The following AKNAD1 variants were observed in gnomAD, a reference collection of about 807,000 sequenced individuals.
AKNAD1 encodes the protein protein AKNAD1.
Under a neutral mutation model 90.8 loss-of-function variants are expected in AKNAD1, and 67 were observed. The ratio of observed to expected loss-of-function variants is 0.74; its 90% CI spans 0.61 to 0.90. AKNAD1 has a LOEUF of 0.90. AKNAD1 is among the 40% of genes least tolerant of loss of function. The pLI is 0.00. For missense variants in AKNAD1, 957 were observed against 975.4 expected (o/e 0.98, Z 0.25); for synonymous variants, 327 against 341.4 (o/e 0.96, Z 0.46).
chr1:108,837,843 C>T lies in AKNAD1; in HGVS notation c.1380-137G>A, dbSNP rs571846939. On this transcript the variant is annotated intron_variant, in intron 6 of 15. Transcript: ENST00000370001. ...TCTGTCACAAAGGATAATGGGAGCC[C>T]GCATGACTGTTCATAGTTTCTCTGA... 21 of 954,098 alleles carry T rather than the reference C, an allele frequency of 2.2e-5. No individual in the cohort carries two copies. The Admixed American group carries it at 3.5e-4, about 16-fold the overall frequency. The allele number at this position is 954,098 out of a possible 1,614,324, so 59.1% of individuals were successfully genotyped here.
At chr1:108,834,864 G>C in intron 8 of AKNAD1, 65 bp downstream of exon 8, 1 of 1,492,934 alleles carries the variant, frequency 6.7e-7, no homozygotes. Flanking sequence ...CTTCCTGGAG[G>C]CTGCATGAGG....
At chr1:108,851,089 G>A (rs1352448747) in intron 2 of AKNAD1, among the ~76,000 whole-genome samples, 2 of 152,206 alleles carry the variant, frequency 1.3e-5, no homozygotes, top group African/African-American at 4.8e-5. Context: ...ATTAGGCAAT[G>A]GAAAGGCGAA....
chr1:108,839,414 A>G (rs1187995391), intron 6 of AKNAD1, among the ~76,000 whole-genome samples: 2 of 146,930 alleles, frequency 1.4e-5, no homozygotes, highest in Non-Finnish European at 3.0e-5. Context: ...CGGAGCTTGC[A>G]GCGAGCCAAG....
chr1:108,831,185 C>G (rs575206547), intron 9 of AKNAD1, among the ~76,000 whole-genome samples: 57 of 152,206 alleles, frequency 3.7e-4, no homozygotes, highest in Non-Finnish European at 6.9e-4. Context: ...ATATGTCCCT[C>G]TTTAACACAA....
chr1:108,852,026 A>G lies in AKNAD1; in HGVS notation c.639T>C (p.Asn213=). The G allele has an allele frequency of 6.2e-7, 1 of 1,614,062 alleles. No homozygotes were observed. Among genetic ancestry groups the G allele is most frequent in the Non-Finnish European group, 8.5e-7 (1 of 1,179,998 alleles). ...CTGGACCCTTGGTTTTAGTTAGAAC[A>G]TTCACATTTTCTTGATGGCTGCTAT... ...AGDSSHQENV[N]VLTKTKGPGD... The change falls in exon 2 of 16, where the codon AAT becomes AAC. Residue 213 remains asparagine, a synonymous_variant. Transcript: ENST00000370001.
chr1:108,820,856 G>T (rs1663789714), intron 13 of AKNAD1, among the ~76,000 whole-genome samples: 1 of 152,012 alleles, frequency 6.6e-6, no homozygotes, highest in Admixed American at 6.6e-5. Context: ...GAGGCCAGGA[G>T]TTTGCGACCA....
At chr1:108,855,385 C>T (rs949305270) in intron 1 of AKNAD1, among the ~76,000 whole-genome samples, 2 of 151,720 alleles carry the variant, frequency 1.3e-5, no homozygotes, top group African/African-American at 4.8e-5. Context: ...TGCACTCCAG[C>T]CTGGCGATAG....
chr1:108,856,745 A>ACACACACACAC (rs1400694001), intron 1 of AKNAD1, among the ~76,000 whole-genome samples, 184 bp downstream of exon 1: 89 of 151,192 alleles, frequency 5.9e-4, no homozygotes, highest in African/African-American at 2.1e-3. Context: ...CACACACACA[A>ACACACACACAC]ACACACACAC....
chr1:108,841,214 GAAAT>G (rs1336883692), intron 6 of AKNAD1, among the ~76,000 whole-genome samples: 1 of 151,696 alleles, frequency 6.6e-6, no homozygotes, highest in Non-Finnish European at 1.5e-5. Flanking sequence ...AATAATAAAA[GAAAT>G]AAAATGATGG....
intron 5 of AKNAD1, among the ~76,000 whole-genome samples, chr1:108,844,846 A>C (rs1664657551): frequency 6.8e-6 from 1 of 148,070 alleles, no homozygotes; most frequent in African/African-American, 2.5e-5. Context: ...TAAGACAGTC[A>C]CTCGCTCTGT....
At chr1:108,844,772 T>C (rs373269575) in intron 5 of AKNAD1, among the ~76,000 whole-genome samples, 38 of 152,158 alleles carry the variant, frequency 2.5e-4, no homozygotes, top group African/African-American at 8.9e-4. Context: ...AATGAGATAA[T>C]GCATTGTGCC....
At chr1:108,817,279 G>A in intron 14 of AKNAD1, 102 bp from the exon 15 acceptor site, 2 of 1,486,980 alleles carry the variant, frequency 1.3e-6, no homozygotes, top group Non-Finnish European at 1.8e-6. Context: ...TGTGGTTTGG[G>A]TGTGGGTGGA....
chr1:108,839,988 C>A (rs1330543595), intron 6 of AKNAD1, among the ~76,000 whole-genome samples: 1 of 150,214 alleles, frequency 6.7e-6, no homozygotes, highest in Non-Finnish European at 1.5e-5. Flanking sequence ...TGTGCCACTG[C>A]ATTCCAGCCT....
At chr1:108,841,268 A>G (rs575316250) in intron 6 of AKNAD1, among the ~76,000 whole-genome samples, 1 of 152,240 alleles carries the variant, frequency 6.6e-6, no homozygotes, top group East Asian at 1.9e-4. Flanking sequence ...GGGTTCAAGG[A>G]CCATGGCTAG....
intron 5 of AKNAD1, among the ~76,000 whole-genome samples, chr1:108,848,038 C>A (rs74990321): frequency 0.013 from 1,926 of 152,234 alleles, 34 homozygotes; most frequent in African/African-American, 0.043. Flanking sequence ...GCATTTGGGT[C>A]CCCTGGTTTT....
In AKNAD1 at chr1:108,826,736, C is replaced by CTTT. The variant is rs1450499628; in HGVS notation, c.1936+466_1936+468dup. Among the ~76,000 whole-genome samples, 42 of 114,782 alleles carry CTTT rather than the reference C, an allele frequency of 3.7e-4. 4 individuals are homozygous for CTTT. Among genetic ancestry groups the CTTT allele is most frequent in the African/African-American group, 4.1e-4 (11 of 26,632 alleles). 75.3% of individuals were successfully genotyped at this position (114,782 alleles called of 152,430 possible). On this transcript the variant is annotated intron_variant, in intron 11 of 15. Transcript: ENST00000370001. ...AGTGATTCTTTTTTTCTTTTCTTTT[C>CTTT]TTTTTCTTTTTTTTTTTTTTTGAAA...
chr1:108,834,297 C>A, intron 9 of AKNAD1, 150 bp downstream of exon 9: 1 of 651,232 alleles, frequency 1.5e-6, no homozygotes, highest in Non-Finnish European at 2.6e-6. Context: ...GCAGTACCAG[C>A]CATCACCAGC....
rs753207825 is a variant in AKNAD1 at position 108,830,616 on chromosome 1, C to A, written c.1781G>T (p.Cys594Phe). The A allele has an allele frequency of 3.1e-6, 5 of 1,614,042 alleles. No individual in the cohort carries two copies. Among genetic ancestry groups the A allele is most frequent in the Non-Finnish European group, 4.2e-6 (5 of 1,180,050 alleles). Reference sequence around the variant, plus strand: ...CGGACTGGGTGCCGTCATCTCTGCACAATCCTGCCTTCTTGGAGTGCCGTT... The same window carrying A: ...CGGACTGGGTGCCGTCATCTCTGCAAAATCCTGCCTTCTTGGAGTGCCGTT... ...DPNGTPRRQD[C>F]AEMTAPSPSC... The change falls in exon 10 of 16, where the codon TGT becomes TTT. Residue 594 changes from cysteine (C) to phenylalanine (F), a missense_variant. Transcript: ENST00000370001.
chr1:108,826,078 C>T (rs1008583172), intron 11 of AKNAD1, among the ~76,000 whole-genome samples: 40 of 151,672 alleles, frequency 2.6e-4, no homozygotes, highest in Non-Finnish European at 4.7e-4. Flanking sequence ...AGGGACCCTC[C>T]GATTACACCT....
Sources: gnomAD v4.1 joint callset for allele counts (sites outside exome capture counted in the v4.1 genomes callset) on GRCh38, gnomAD v4.1.1 for gene constraint, MANE v1.5 for transcripts, NCBI Gene and HGNC (gene_info 2026-07-23, HGNC 2026-07-21) for gene names.